SCAMP4: variants seen among roughly 807,000 people sequenced by gnomAD.
SCAMP4 encodes secretory carrier-associated membrane protein 4.
In SCAMP4, 19 loss-of-function variants were observed where a neutral mutation model predicts 32.1. The ratio of observed to expected loss-of-function variants is 0.59; its 90% confidence interval spans 0.41 to 0.87. The LOEUF is 0.87. Ranked by LOEUF, SCAMP4 falls within the 40% of genes least tolerant of loss-of-function variation. The probability of loss-of-function intolerance (pLI) is 0.00; values close to 1 mark genes in which losing one functional copy is unlikely to be tolerated. For synonymous variants in SCAMP4, 152 were observed against 132.7 expected (o/e 1.15, Z -1.00); for missense variants, 302 against 309.0 (o/e 0.98, Z 0.17).
intron 1 of SCAMP4, chr19:1,913,506 C>T: frequency 2.9e-6 from 1 of 343,292 alleles, no homozygotes; most frequent in Non-Finnish European, 5.5e-6. Flanking sequence ...GGGGTGGGGT[C>T]TGTACAGGGC....
At chr19:1,918,030 G>C (rs756596107) in intron 3 of SCAMP4, 97 bp from the exon 4 acceptor site, 2 of 1,471,488 alleles carry the variant, frequency 1.4e-6, no homozygotes, top group East Asian at 2.3e-5. Flanking sequence ...TCACTGGGCT[G>C]GGGAGGCGGA....
In SCAMP4 at chr19:1,912,488, G is replaced by A. The variant is rs1599240670; in HGVS notation, c.-41-2491G>A. 6.7e-7 allele frequency: 1 copy of A among 1,498,784 alleles called. No individual in the cohort carries two copies. The highest frequency in any genetic ancestry group is 1.2e-5 in the South Asian group (1 of 80,172). The allele number at this position is 1,498,784 out of a possible 1,614,324, so 92.8% of individuals were successfully genotyped here. ...CCTTCCTGGTGCCCGTGCCCGCCCG[G>A]CCGCCTCTGACCAGGGGCCAGTTCG... On this transcript the variant is annotated intron_variant, in intron 1 of 6. Coordinates refer to ENST00000316097, the MANE Select transcript of SCAMP4 (RefSeq NM_079834.4).
In SCAMP4 at chr19:1,914,999, G is replaced by A; in HGVS notation, c.-21G>A. 6.2e-7 allele frequency: 1 copy of A among 1,613,896 alleles called. No individual in the cohort carries two copies. The highest frequency in any genetic ancestry group is 8.5e-7 in the Non-Finnish European group (1 of 1,179,838). On this transcript the variant is annotated 5_prime_UTR_variant, in exon 2 of 7. Transcript: ENST00000316097. ...TCCAGGCGGCTGCAGGCTTCAGCCTGCGCTGGTTGGTGAAACAGAGATGTC... is the reference window on the plus strand; with the variant it reads ...TCCAGGCGGCTGCAGGCTTCAGCCTACGCTGGTTGGTGAAACAGAGATGTC...
intron 1 of SCAMP4, chr19:1,913,048 G>A (rs753590636): frequency 6.2e-6 from 10 of 1,603,538 alleles, no homozygotes; most frequent in Non-Finnish European, 8.5e-6. Flanking sequence ...GGCGCCCTGG[G>A]CACCCGCTTC....
Position 1,924,094 on chromosome 19 carries a change from C to A in SCAMP4, c.514-14C>A. On this transcript the variant is annotated splice_polypyrimidine_tract_variant and intron_variant, in intron 6 of 6. Coordinates refer to ENST00000316097, the MANE Select transcript of SCAMP4 (RefSeq NM_079834.4). ...ATTTTCTGTCTTCTGCCTCCCTGTC[C>A]TCTGTCCTTGCAGGTGCACAGGATC... The A allele has an allele frequency of 6.2e-7, 1 of 1,600,596 alleles. No homozygotes were observed. The highest frequency in any genetic ancestry group is 8.5e-7 in the Non-Finnish European group (1 of 1,173,620).
In SCAMP4 at chr19:1,924,251, G is replaced by A; in HGVS notation, c.657G>A (p.Val219=). The A allele has an allele frequency of 2.5e-6, 4 of 1,603,368 alleles. No homozygotes were observed. Among genetic ancestry groups the A allele is most frequent in the Non-Finnish European group, 3.4e-6 (4 of 1,175,428 alleles). The change falls in exon 7 of 7, where the codon GTG becomes GTA. Residue 219 remains valine (V), a synonymous_variant. Transcript: ENST00000316097. ...ACAGCCTGCCCGAGTACCCCACTGT[G>A]CCCAGCTACCCGGGCAGTGGCCAGT... ...SGNSLPEYPT[V]PSYPGSGQWP
At chr19:1,917,018 G>A (rs1463626568) in intron 2 of SCAMP4, among the ~76,000 whole-genome samples, 4 of 152,222 alleles carry the variant, frequency 2.6e-5, no homozygotes, top group African/African-American at 4.8e-5. Context: ...AAACAATTTC[G>A]GCCGGGCGCG....
At chr19:1,915,482 G>T in intron 2 of SCAMP4, 1 of 209,758 alleles carries the variant, frequency 4.8e-6, no homozygotes, top group Admixed American at 5.2e-5. Context: ...AAGCTCCTGG[G>T]GGGCTCCCAG....
At position 1,924,311 on chromosome 19, in the gene SCAMP4, C is replaced by G. The variant is rs753646131; in HGVS notation, c.*27C>G. 2 of 1,554,632 alleles carry G rather than the reference C, an allele frequency of 1.3e-6. No homozygotes were observed. Among genetic ancestry groups the G allele is most frequent in the Non-Finnish European group, 1.7e-6 (2 of 1,150,476 alleles). On this transcript the variant is annotated 3_prime_UTR_variant, in exon 7 of 7. Transcript: ENST00000316097. ...GGGAGCCTGCCCTGCCCCCACCGCC[C>G]ACCACCTCCTCCCCTTCATTCCTGC...
intron 1 of SCAMP4, among the ~76,000 whole-genome samples, chr19:1,911,150 C>T (rs2013423691): frequency 6.6e-6 from 1 of 152,092 alleles, no homozygotes; most frequent in Admixed American, 6.6e-5. Flanking sequence ...GCTAGGATTA[C>T]AGGCGTGAGC....
chr19:1,913,171 G>C (rs776238929), intron 1 of SCAMP4: 4 of 1,504,662 alleles, frequency 2.7e-6, no homozygotes, highest in South Asian at 1.3e-5. Context: ...TCCTGCCTCC[G>C]GACCCTTCCC....
chr19:1,914,851 C>A, intron 1 of SCAMP4, 128 bp from the exon 2 acceptor site: 1 of 744,480 alleles, frequency 1.3e-6, no homozygotes, highest in Non-Finnish European at 2.3e-6. Context: ...CCTGTGGCTC[C>A]CGCTTAGCCC....
At position 1,922,719 on chromosome 19, in the gene SCAMP4, G is replaced by A. The variant is rs117872905; in HGVS notation, c.396-351G>A. On this transcript the variant is annotated intron_variant, in intron 5 of 6. Transcript: ENST00000316097. ...TTGAGTCTTTCCATGGCTGGTGCCC[G>A]CCGGACTCACTGAGGGAAACTAATG... The A allele has an allele frequency of 1.5e-3, 1,547 of 1,000,828 alleles. 3 individuals are homozygous for A. Among genetic ancestry groups the A allele is most frequent in the South Asian group, 4.3e-3 (94 of 21,814 alleles). The allele number at this position is 1,000,828 out of a possible 1,614,324, so 62.0% of individuals were successfully genotyped here.
rs758835690 is a variant in SCAMP4 at position 1,912,186 on chromosome 19, G to A, written c.-41-2793G>A. 2.5e-6 allele frequency: 4 copies of A among 1,582,168 alleles called. 1 individual carries two copies. The highest frequency in any genetic ancestry group is 2.3e-5 in the East Asian group (1 of 43,624). ...GCCGGCGCCGTGGCAGGCCCTCCCT[G>A]TCCTGTCCGAGAAGCAGTCAGGGGA... On this transcript the variant is annotated intron_variant, in intron 1 of 6. Coordinates refer to ENST00000316097, the MANE Select transcript of SCAMP4 (RefSeq NM_079834.4).
At chr19:1,913,362 T>A (rs1242123773) in intron 1 of SCAMP4, 18 of 707,948 alleles carry the variant, frequency 2.5e-5, no homozygotes, top group Non-Finnish European at 3.9e-5. Flanking sequence ...GGTGCCCTTC[T>A]GCGGCCGCCC....
intron 1 of SCAMP4, among the ~76,000 whole-genome samples, chr19:1,914,089 G>C (rs1391361988): frequency 6.6e-6 from 1 of 152,194 alleles, no homozygotes; most frequent in Non-Finnish European, 1.5e-5. Context: ...GGAGGTGGGA[G>C]CCGCAGAGGC....
In SCAMP4 at chr19:1,918,226, T is replaced by C; in HGVS notation, c.236T>C (p.Leu79Pro). 2 of 1,611,128 alleles carry C rather than the reference T, an allele frequency of 1.2e-6. No homozygotes were observed. Among genetic ancestry groups the C allele is most frequent in the Non-Finnish European group, 1.7e-6 (2 of 1,179,768 alleles). The change falls in exon 4 of 7, where the codon CTC (leucine) becomes CCC (proline). Residue 79 changes from leucine (L) to proline (P), a missense_variant. Transcript: ENST00000316097. ...TTCGGCCTGGCCTTCGTGTGGCTGC[T>C]CCTGTTCACGCCTTGCGGCTACGTG... The part of the protein sequence containing the change: ...TNFGLAFVWL[L>P]LFTPCGYVCW...
intron 6 of SCAMP4, among the ~76,000 whole-genome samples, chr19:1,923,754 G>A (rs1045153890): frequency 6.7e-6 from 1 of 150,154 alleles, no homozygotes; most frequent in African/African-American, 2.5e-5. Context: ...GAGTAGCTGG[G>A]ACTACAGGCG....
intron 1 of SCAMP4, chr19:1,911,998 C>A (rs1008816926): frequency 1.4e-6 from 2 of 1,413,408 alleles, no homozygotes; most frequent in South Asian, 1.5e-5. Context: ...GGAGCCACGG[C>A]CTCCCGGGAC....
Sources: gnomAD v4.1 joint callset for allele counts (sites outside exome capture counted in the v4.1 genomes callset) on GRCh38, gnomAD v4.1.1 for gene constraint, MANE v1.5 for transcripts, NCBI Gene and HGNC (gene_info 2026-07-23, HGNC 2026-07-21) for gene names.